NIPAL2: variants seen among roughly 807,000 people sequenced by gnomAD.
NIPAL2 encodes the protein NIPA-like protein 2.
In NIPAL2, 43 loss-of-function variants were observed where a neutral mutation model predicts 48.9. The observed-to-expected ratio is 0.88, with a 90% CI of 0.69 to 1.13. The LOEUF (loss-of-function observed/expected upper bound fraction) is 1.13. Ranked by LOEUF, NIPAL2 falls within the 50% of genes most tolerant of loss-of-function variation. NIPAL2 has a pLI of 0.00. For missense variants in NIPAL2, 446 were observed against 461.4 expected (o/e 0.97, Z 0.31); for synonymous variants, 167 against 174.6 (o/e 0.96, Z 0.34).
At chr8:98,264,154 C>G (rs1210607463) in intron 1 of NIPAL2, among the ~76,000 whole-genome samples, 1 of 151,166 alleles carries the variant, frequency 6.6e-6, no homozygotes, top group Admixed American at 6.6e-5. Context: ...CTATCTATGA[C>G]AAACCCACAG....
chr8:98,233,941 C>T (rs768262025), intron 4 of NIPAL2, among the ~76,000 whole-genome samples: 1 of 152,128 alleles, frequency 6.6e-6, no homozygotes, highest in Non-Finnish European at 1.5e-5. Context: ...AGAACCAATT[C>T]AAATGTTATC....
intron 10 of NIPAL2, among the ~76,000 whole-genome samples, chr8:98,194,205 C>T (rs563714630): frequency 5.9e-5 from 9 of 152,152 alleles, no homozygotes; most frequent in East Asian, 5.8e-4. Context: ...CATGACTAGG[C>T]GAGTTATTTC....
At chr8:98,273,955 A>G (rs901548439) in intron 1 of NIPAL2, among the ~76,000 whole-genome samples, 3 of 152,016 alleles carry the variant, frequency 2.0e-5, no homozygotes, top group East Asian at 3.8e-4. Context: ...ATATTATTCA[A>G]AAGTATGTTT....
intron 6 of NIPAL2, among the ~76,000 whole-genome samples, chr8:98,210,613 A>G (rs1811263153): frequency 6.6e-6 from 1 of 152,216 alleles, no homozygotes; most frequent in South Asian, 2.1e-4. Context: ...GTACCAGTTC[A>G]TGATTAATTA....
intron 1 of NIPAL2, among the ~76,000 whole-genome samples, chr8:98,262,521 A>G (rs1814417571): frequency 6.6e-6 from 1 of 151,904 alleles, no homozygotes; most frequent in African/African-American, 2.4e-5. Flanking sequence ...AAAGATCAAA[A>G]GAGACAAAGA....
At chr8:98,208,119 A>C (rs1811125828) in intron 6 of NIPAL2, among the ~76,000 whole-genome samples, 1 of 152,236 alleles carries the variant, frequency 6.6e-6, no homozygotes, top group African/African-American at 2.4e-5. Flanking sequence ...TCTGTTGTAC[A>C]GTGCTCAATT....
chr8:98,265,149 T>G (rs1172347265), intron 1 of NIPAL2, among the ~76,000 whole-genome samples: 3 of 141,898 alleles, frequency 2.1e-5, no homozygotes, highest in African/African-American at 7.9e-5. Flanking sequence ...ATTAAAGACT[T>G]AAACGTTAGA....
At chr8:98,232,742 C>T (rs1812499162) in intron 4 of NIPAL2, among the ~76,000 whole-genome samples, 1 of 138,830 alleles carries the variant, frequency 7.2e-6, no homozygotes. Context: ...ACTAAAGACT[C>T]ACCCTAACTT....
intron 1 of NIPAL2, among the ~76,000 whole-genome samples, chr8:98,264,324 A>C (rs1426842102): frequency 7.7e-6 from 1 of 129,314 alleles, no homozygotes; most frequent in African/African-American, 2.9e-5. Context: ...CAATTAGGAA[A>C]AGAGGAAGTC....
intron 1 of NIPAL2, among the ~76,000 whole-genome samples, chr8:98,283,722 G>A (rs1294995775): frequency 6.6e-6 from 1 of 152,144 alleles, no homozygotes; most frequent in East Asian, 1.9e-4. Context: ...ACCTGCCTGG[G>A]TTTCCGGAGT....
At chr8:98,206,561 C>T (rs4735540) in intron 6 of NIPAL2, among the ~76,000 whole-genome samples, 59,555 of 151,514 alleles carry the variant, frequency 0.39, 12,102 homozygotes, top group South Asian at 0.53. Context: ...CCAAGGCGGG[C>T]GGATCATGAG....
intron 3 of NIPAL2, chr8:98,251,494 T>C (rs1813585333): frequency 6.6e-6 from 1 of 152,194 alleles, no homozygotes; most frequent in Non-Finnish European, 1.5e-5. Flanking sequence ...GGATGGCTCT[T>C]TTAAGTAGGC....
At chr8:98,228,997 AG>A (rs1398146004) in intron 4 of NIPAL2, among the ~76,000 whole-genome samples, 1 of 152,202 alleles carries the variant, frequency 6.6e-6, no homozygotes, top group Non-Finnish European at 1.5e-5. Context: ...TCAGGAAACT[AG>A]TGCATAGAGT....
Position 98,192,754 on chromosome 8 carries a change from G to C in NIPAL2, c.*224C>G, listed in dbSNP as rs1205804877. On this transcript the variant is annotated 3_prime_UTR_variant, in exon 11 of 11. Coordinates refer to ENST00000430223, the MANE Select transcript of NIPAL2 (RefSeq NM_001321635.2). ...GCTGGCTAGATAATCACTAGGGAGAGGTCCAGGGTGTGGGGAACACTCCAA... is the reference window on the plus strand; with the variant it reads ...GCTGGCTAGATAATCACTAGGGAGACGTCCAGGGTGTGGGGAACACTCCAA... The C allele has an allele frequency of 1.1e-5, 6 of 559,674 alleles. No homozygotes were observed. Among genetic ancestry groups the C allele is most frequent in the Non-Finnish European group, 1.9e-5 (6 of 313,624 alleles). The allele number at this position is 559,674 out of a possible 1,614,324, so 34.7% of individuals were successfully genotyped here.
chr8:98,236,848 T>A (rs929418508), intron 3 of NIPAL2, among the ~76,000 whole-genome samples: 2 of 57,726 alleles, frequency 3.5e-5, no homozygotes, highest in African/African-American at 1.3e-4. Context: ...GGAGATCCTG[T>A]CTCAAAAAAA....
chr8:98,274,349 T>G (rs2130885089), intron 1 of NIPAL2, among the ~76,000 whole-genome samples: 1 of 152,086 alleles, frequency 6.6e-6, no homozygotes, highest in South Asian at 2.1e-4. Context: ...TCAACAATCT[T>G]ACTAAATTTT....
intron 5 of NIPAL2, among the ~76,000 whole-genome samples, chr8:98,219,215 G>A (rs1811724954): frequency 6.6e-6 from 1 of 152,194 alleles, no homozygotes; most frequent in African/African-American, 2.4e-5. Flanking sequence ...TGAGTAATAA[G>A]TGGACAGATA....
intron 1 of NIPAL2, among the ~76,000 whole-genome samples, chr8:98,291,614 T>C (rs983593033): frequency 1.2e-4 from 19 of 152,232 alleles, no homozygotes; most frequent in African/African-American, 4.3e-4. Context: ...TGAATATCCC[T>C]GTAGTGCTTT....
At chr8:98,245,295 CGTTA>C (rs1813253632) in intron 3 of NIPAL2, among the ~76,000 whole-genome samples, 1 of 152,130 alleles carries the variant, frequency 6.6e-6, no homozygotes, top group African/African-American at 2.4e-5. Flanking sequence ...TATCATTCCC[CGTTA>C]GTTGTAGAAC....
Sources: gnomAD v4.1 joint callset for allele counts (sites outside exome capture counted in the v4.1 genomes callset) on GRCh38, gnomAD v4.1.1 for gene constraint, MANE v1.5 for transcripts, NCBI Gene and HGNC (gene_info 2026-07-23, HGNC 2026-07-21) for gene names.